Variants in ST14 observed in about 807,000 individuals in gnomAD.
The protein encoded by ST14 is ST14 transmembrane serine protease matriptase.
A neutral mutation model predicts 96.5 loss-of-function variants in ST14; 40 were observed. That is an observed-to-expected ratio of 0.41 (90% CI 0.32 to 0.54). ST14 has a LOEUF of 0.54. Ranked by LOEUF, ST14 falls within the 20% of genes least tolerant of loss-of-function variation. The pLI is 0.17. For synonymous variants in ST14, 506 were observed against 492.1 expected (o/e 1.03, Z -0.37); for missense variants, 1,066 against 1,188.9 (o/e 0.90, Z 1.52).
At position 130,181,618 on chromosome 11, in the gene ST14, G is replaced by A. The variant is rs1435972366; in HGVS notation, c.82-6496G>A. Among the ~76,000 whole-genome samples, 3 of 152,208 alleles carry A rather than the reference G, an allele frequency of 2.0e-5. No homozygotes were observed. The highest frequency in any genetic ancestry group is 7.2e-5 in the African/African-American group (3 of 41,456). On this transcript the variant is annotated intron_variant, in intron 1 of 18. Transcript: ENST00000278742. This position sits in a 1 kb window ranked among gnomAD's most constrained non-coding sequence, Gnocchi z 4.1. ...CTACAGTTGTCTAAGTGTCTAAGTG[G>A]ATGGGAGTTCCCTGAGACCTCCCCC... is the stretch of plus-strand genomic sequence containing the variant.
intron 16 of ST14, among the ~76,000 whole-genome samples, chr11:130,201,083 G>A (rs940837084): frequency 7.2e-5 from 11 of 152,382 alleles, no homozygotes; most frequent in African/African-American, 2.4e-4. Context: ...ACTTTGCGCT[G>A]TGCCTGGCAC....
chr11:130,187,801 G>A lies in ST14; in HGVS notation c.82-313G>A, dbSNP rs889599768. 1.3e-5 allele frequency among the ~76,000 whole-genome samples: 2 copies of A among 152,190 alleles called. No homozygotes were observed. Among genetic ancestry groups the A allele is most frequent in the Non-Finnish European group, 2.9e-5 (2 of 68,032 alleles). On this transcript the variant is annotated intron_variant, in intron 1 of 18. Transcript: ENST00000278742. This position sits in a 1 kb window ranked among gnomAD's most constrained non-coding sequence, Gnocchi z 4.5. The stretch of plus-strand genomic sequence containing the variant: ...AGGGGAGACCTGGATGACCGGGTTC[G>A]ACAGCCCTTCATTGCGTTTTAATTT...
chr11:130,184,366 CG>C (rs547776636), intron 1 of ST14, among the ~76,000 whole-genome samples: 203 of 152,198 alleles, frequency 1.3e-3, no homozygotes, highest in Non-Finnish European at 2.1e-3. Context: ...ACGCAAAATA[CG>C]GGAGAGAAAA....
rs758421173 is a variant in ST14, at chr11:130,188,915, A to G, written c.416A>G (p.Lys139Arg). The change falls in exon 4 of 19, where the codon AAG becomes AGG. Residue 139 changes from lysine (K) to arginine (R), a missense_variant. Coordinates refer to ENST00000278742, the MANE Select transcript of ST14 (RefSeq NM_021978.4). The surrounding 1 kb of genome is among the most constrained non-coding windows in gnomAD (Gnocchi z 5.4). ...SGVPFLGPYH[K>R]ESAVTAFSEG... The stretch of plus-strand genomic sequence containing the variant: ...GTCCCATTCCTGGGCCCCTACCACA[A>G]GGAGTCGGCTGTGACGGCCTTCAGG... 8.1e-6 allele frequency: 13 copies of G among 1,612,226 alleles called. No individual in the cohort carries two copies. Among genetic ancestry groups the G allele is most frequent in the Non-Finnish European group, 1.1e-5 (13 of 1,179,408 alleles).
intron 1 of ST14, among the ~76,000 whole-genome samples, chr11:130,173,253 A>G (rs887146109): frequency 6.6e-6 from 1 of 152,116 alleles, no homozygotes; most frequent in Non-Finnish European, 1.5e-5. Context: ...AGGCAGCCCA[A>G]TTCCTCCCTC....
chr11:130,162,078 A>G (rs1048299744), intron 1 of ST14, among the ~76,000 whole-genome samples: 3 of 152,082 alleles, frequency 2.0e-5, no homozygotes, highest in Non-Finnish European at 4.4e-5. Flanking sequence ...TGGGTTTATT[A>G]TCTGGGTCAG....
intron 1 of ST14, among the ~76,000 whole-genome samples, chr11:130,172,518 C>T (rs763157066): frequency 6.6e-6 from 1 of 150,910 alleles, no homozygotes; most frequent in Non-Finnish European, 1.5e-5. Context: ...CCCAGGTTCA[C>T]GCCTTTCTCC....
chr11:130,169,258 C>A (rs1452513179), intron 1 of ST14, among the ~76,000 whole-genome samples: 1 of 152,004 alleles, frequency 6.6e-6, no homozygotes, highest in Non-Finnish European at 1.5e-5. Context: ...CCACACCCAG[C>A]TAATTTTTGT....
Position 130,189,731 on chromosome 11 carries a change from C to G in ST14, c.441-8C>G. The stretch of plus-strand genomic sequence containing the variant: ...GAGCTCCGCCTCAGGCTCCCGCTCT[C>G]TCCCCAGCGAGGGCAGCGTCATCGC... On this transcript the variant is annotated splice_polypyrimidine_tract_variant and splice_region_variant and intron_variant, in intron 4 of 18. Coordinates refer to ENST00000278742, the MANE Select transcript of ST14 (RefSeq NM_021978.4). The G allele has an allele frequency of 6.2e-7, 1 of 1,611,080 alleles. No individual in the cohort carries two copies. Among genetic ancestry groups the G allele is most frequent in the Non-Finnish European group, 8.5e-7 (1 of 1,179,842 alleles).
At chr11:130,194,852 ATG>A (rs58417767) in intron 9 of ST14, 115 bp downstream of exon 9, 41,951 of 781,218 alleles carry the variant, frequency 0.054, 689 homozygotes, top group Non-Finnish European at 0.066. Flanking sequence ...ATATGTGTGC[ATG>A]TGTGTGTGTG....
intron 9 of ST14, among the ~76,000 whole-genome samples, chr11:130,195,208 A>G (rs1053132911): frequency 2.6e-5 from 4 of 152,166 alleles, no homozygotes; most frequent in African/African-American, 9.7e-5. Flanking sequence ...TGACAGTGCC[A>G]TCGCACTCCA....
In ST14 at chr11:130,198,706, C is replaced by T. The variant is rs137933400; in HGVS notation, c.1684+85C>T. The T allele has an allele frequency of 5.3e-5, 74 of 1,389,202 alleles. No homozygotes were observed. In the African/African-American group the frequency reaches 7.2e-4, roughly 14 times the overall value. 86.1% of individuals were successfully genotyped at this position (1,389,202 alleles called of 1,614,324 possible). A position where few individuals can be genotyped will look rare whatever the true frequency, so the allele number is the denominator to read the frequency against. The stretch of plus-strand genomic sequence containing the variant: ...GAGCACACGCACATGCAGGACGCCC[C>T]GAGTTTAATGAACACAAACCACCTG... On this transcript the variant is annotated intron_variant, in intron 14 of 18. Transcript: ENST00000278742.
At chr11:130,183,777 G>C (rs1953214633) in intron 1 of ST14, among the ~76,000 whole-genome samples, 1 of 152,124 alleles carries the variant, frequency 6.6e-6, no homozygotes, top group African/African-American at 2.4e-5. Flanking sequence ...GTGTCTTTTA[G>C]TTTTAGTTTC....
At chr11:130,175,544 T>A (rs2136205763) in intron 1 of ST14, among the ~76,000 whole-genome samples, 1 of 151,548 alleles carries the variant, frequency 6.6e-6, no homozygotes, top group Middle Eastern at 3.4e-3. Flanking sequence ...CATGCCCGGC[T>A]AATTTTTTGT....
At chr11:130,166,200 A>C (rs912834237) in intron 1 of ST14, among the ~76,000 whole-genome samples, 1 of 152,240 alleles carries the variant, frequency 6.6e-6, no homozygotes, top group African/African-American at 2.4e-5. Context: ...GGAAGTTTTA[A>C]AATGAAAACC....
At chr11:130,168,592 A>C (rs7950184) in intron 1 of ST14, among the ~76,000 whole-genome samples, 34,012 of 152,086 alleles carry the variant, frequency 0.22, 6,727 homozygotes, top group African/African-American at 0.53. Flanking sequence ...TTTCTTCCAA[A>C]AGGATGGTCT....
In ST14 at chr11:130,187,578, C is replaced by T. The variant is rs1028154516; in HGVS notation, c.82-536C>T. 7.9e-5 allele frequency among the ~76,000 whole-genome samples: 12 copies of T among 152,238 alleles called. No individual in the cohort carries two copies. The highest frequency in any genetic ancestry group is 2.0e-4 in the Admixed American group (3 of 15,292). On this transcript the variant is annotated intron_variant, in intron 1 of 18. Coordinates refer to ENST00000278742, the MANE Select transcript of ST14 (RefSeq NM_021978.4). This position sits in a 1 kb window ranked among gnomAD's most constrained non-coding sequence, Gnocchi z 4.5. ...TGGTTCACCATTGGCAGGGCAAGGC[C>T]GCTGGGTAGGGTGTGCAGTTGAGTG...
intron 16 of ST14, among the ~76,000 whole-genome samples, chr11:130,206,149 G>A (rs1953484829): frequency 6.6e-6 from 1 of 152,166 alleles, no homozygotes; most frequent in African/African-American, 2.4e-5. Flanking sequence ...TTTTTGAAAA[G>A]TTCGGGCCAG....
rs1218742400 is a variant in ST14, at chr11:130,208,679, A to T, written c.2264A>T (p.Tyr755Phe). The T allele has an allele frequency of 1.9e-6, 3 of 1,612,838 alleles. No individual in the cohort carries two copies. In the Admixed American group the frequency reaches 5.0e-5, roughly 27 times the overall value. Residue 755 changes from tyrosine to phenylalanine, a missense_variant, in exon 17 of 19, where the codon TAT (tyrosine) becomes TTT (phenylalanine). Transcript: ENST00000278742. ...GTCACGGGCTGGGGACACACCCAGT[A>T]TGGAGGTAAGCTTCGGGCTGACCTA... ...IWVTGWGHTQ[Y>F]GGTGALILQK... is the part of the protein sequence containing the mutation.
Sources: gnomAD v4.1 joint callset for allele counts (sites outside exome capture counted in the v4.1 genomes callset) on GRCh38, gnomAD v4.1.1 for gene constraint, Gnocchi (gnomAD v3.1) non-coding constraint, MANE v1.5 for transcripts, NCBI Gene and HGNC (gene_info 2026-07-23, HGNC 2026-07-21) for gene names.